The following ILRUN variants were observed in gnomAD, a reference collection of about 807,000 sequenced individuals.
ILRUN encodes the protein protein ILRUN.
In ILRUN, 3 loss-of-function variants were observed where a neutral mutation model predicts 33.8. That is an observed-to-expected ratio of 0.09 (90% CI 0.04 to 0.23). The LOEUF (loss-of-function observed/expected upper bound fraction) is 0.23, where lower values mean the gene tolerates loss of function less well. ILRUN is among the 10% of genes least tolerant of loss of function. The pLI is 1.00. For synonymous variants in ILRUN, 124 were observed against 138.9 expected, an observed-to-expected ratio of 0.89 and a Z score of 0.75; for missense variants, 210 against 375.1, an observed-to-expected ratio of 0.56 and a Z score of 3.64.
At chr6:34,682,494 G>T (rs760511343) in intron 1 of ILRUN, among the ~76,000 whole-genome samples, 1 of 151,232 alleles carries the variant, frequency 6.6e-6, no homozygotes, top group East Asian at 2.0e-4. Flanking sequence ...TCCTGACCTC[G>T]TGATCTGCCC....
chr6:34,662,312 A>C lies in ILRUN; in HGVS notation c.159-7533T>G, dbSNP rs865817045. ...CAGAGCAAGACTCCGTCTCAAAAAA[A>C]AAAAAAAAGAAAAAGAAAAGAAAAA... On this transcript the variant is annotated intron_variant, in intron 1 of 4. Coordinates refer to ENST00000374023, the MANE Select transcript of ILRUN (RefSeq NM_024294.4). Among the ~76,000 whole-genome samples, 12 of 151,384 alleles carry C rather than the reference A, an allele frequency of 7.9e-5. No homozygotes were observed. In the South Asian group the frequency reaches 2.5e-3, roughly 32 times the overall value.
intron 3 of ILRUN, chr6:34,616,391 A>G: frequency 2.2e-6 from 1 of 462,200 alleles, no homozygotes; most frequent in Non-Finnish European, 3.8e-6. Flanking sequence ...CTGCTGAGCT[A>G]TAAGCTACAG....
chr6:34,606,466 G>A (rs571387827), intron 4 of ILRUN, 89 bp downstream of exon 4: 41 of 1,021,654 alleles, frequency 4.0e-5, no homozygotes, highest in South Asian at 3.5e-4. Context: ...TCTGGGGAGC[G>A]GCAGTCTAGG....
intron 4 of ILRUN, among the ~76,000 whole-genome samples, chr6:34,601,076 C>T (rs538342726): frequency 1.3e-5 from 2 of 152,272 alleles, no homozygotes; most frequent in South Asian, 4.1e-4. Flanking sequence ...ATGTCAAGCA[C>T]TGAGCCTATT....
At chr6:34,614,166 T>A (rs1182735962) in intron 3 of ILRUN, among the ~76,000 whole-genome samples, 2 of 152,064 alleles carry the variant, frequency 1.3e-5, no homozygotes, top group African/African-American at 4.8e-5. Flanking sequence ...CTCACGCCTA[T>A]AATCCTTGCA....
chr6:34,605,083 G>C (rs778472982), intron 4 of ILRUN, among the ~76,000 whole-genome samples: 1 of 152,132 alleles, frequency 6.6e-6, no homozygotes, highest in Non-Finnish European at 1.5e-5. Context: ...GAGGCGGGTG[G>C]ATCACCTGAG....
At chr6:34,652,807 T>C (rs761749609) in intron 2 of ILRUN, among the ~76,000 whole-genome samples, 5 of 152,196 alleles carry the variant, frequency 3.3e-5, no homozygotes, top group Non-Finnish European at 7.4e-5. Context: ...ACATAAATTG[T>C]CATTAGATGT....
chr6:34,611,668 C>T lies in ILRUN; in HGVS notation c.512-4764G>A, dbSNP rs374056884. 3.3e-5 allele frequency among the ~76,000 whole-genome samples: 5 copies of T among 152,320 alleles called. No individual in the cohort carries two copies. In the South Asian group the frequency reaches 1.0e-3, roughly 32 times the overall value. On this transcript the variant is annotated intron_variant, in intron 3 of 4. Transcript: ENST00000374023. The stretch of plus-strand genomic sequence containing the variant: ...AATGCCTTGATCACTGAGATAAGAA[C>T]TAGCTGCTAGCCAGATACTTTACCA...
chr6:34,688,695 C>T (rs190272426), intron 1 of ILRUN, among the ~76,000 whole-genome samples: 42 of 152,072 alleles, frequency 2.8e-4, no homozygotes, highest in African/African-American at 9.9e-4. Flanking sequence ...CGCCTGTAAT[C>T]CCAGATACTT....
At chr6:34,635,544 A>G (rs553804507) in intron 3 of ILRUN, among the ~76,000 whole-genome samples, 31 of 120,158 alleles carry the variant, frequency 2.6e-4, no homozygotes, top group African/African-American at 8.1e-4. Flanking sequence ...AAAAAGAAAG[A>G]AAGGAAGGAA....
intron 1 of ILRUN, among the ~76,000 whole-genome samples, chr6:34,657,177 TTGAAAA>T (rs1762787085): frequency 6.6e-6 from 1 of 152,218 alleles, no homozygotes; most frequent in Non-Finnish European, 1.5e-5. Flanking sequence ...GTCTACCGTT[TTGAAAA>T]CAGAATTTTT....
intron 4 of ILRUN, among the ~76,000 whole-genome samples, chr6:34,598,772 T>C (rs533939162): frequency 2.0e-4 from 30 of 152,364 alleles, no homozygotes; most frequent in Middle Eastern, 3.4e-3. Context: ...CTAAGGCCCA[T>C]AGTTATGTTT....
Position 34,683,453 on chromosome 6 carries a change from C to CATATATATATGT in ILRUN, c.158+12992_158+12993insACATATATATAT, listed in dbSNP as rs1451602188. Reference sequence around the variant, plus strand: ...ACATATATATATACATATATATATACATATATATACATATATATACACATA... The same window carrying CATATATATATGT: ...ACATATATATATACATATATATATACATATATATATGTATATATATACATATATATACACATA... On this transcript the variant is annotated intron_variant, in intron 1 of 4. Transcript: ENST00000374023. 1.8e-4 allele frequency among the ~76,000 whole-genome samples: 17 copies of CATATATATATGT among 96,606 alleles called. 1 individual carries two copies. Among genetic ancestry groups the CATATATATATGT allele is most frequent in the African/African-American group, 8.3e-4 (17 of 20,452 alleles). 63.4% of individuals were successfully genotyped at this position (96,606 alleles called of 152,430 possible). A position where few individuals can be genotyped will look rare whatever the true frequency, so the allele number is the denominator to read the frequency against.
chr6:34,588,380 G>A lies in ILRUN; in HGVS notation c.*2185C>T, dbSNP rs1241034365. Reference sequence around the variant, plus strand: ...AACTGGGAAGGGGCACCCAGTGTTGGGCAGAAGAGGAAGTCAGGAAAGCAG... The same window carrying A: ...AACTGGGAAGGGGCACCCAGTGTTGAGCAGAAGAGGAAGTCAGGAAAGCAG... On this transcript the variant is annotated 3_prime_UTR_variant, in exon 5 of 5. Coordinates refer to ENST00000374023, the MANE Select transcript of ILRUN (RefSeq NM_024294.4). The A allele has an allele frequency of 2.5e-6, 1 of 397,270 alleles. No individual in the cohort carries two copies. Among genetic ancestry groups the A allele is most frequent in the African/African-American group, 2.1e-5 (1 of 48,638 alleles). 24.6% of individuals were successfully genotyped at this position (397,270 alleles called of 1,614,324 possible). A position where few individuals can be genotyped will look rare whatever the true frequency, so the allele number is the denominator to read the frequency against.
intron 3 of ILRUN, among the ~76,000 whole-genome samples, chr6:34,640,361 G>C (rs1762445061): frequency 6.6e-6 from 1 of 152,008 alleles, no homozygotes; most frequent in South Asian, 2.1e-4. Context: ...ACTGAATACA[G>C]CAAAAATTCT....
At chr6:34,680,902 T>C (rs1388919900) in intron 1 of ILRUN, among the ~76,000 whole-genome samples, 1 of 151,908 alleles carries the variant, frequency 6.6e-6, no homozygotes, top group African/African-American at 2.4e-5. Flanking sequence ...AGCAGGCAAC[T>C]TGAAGGACAA....
intron 1 of ILRUN, among the ~76,000 whole-genome samples, chr6:34,674,095 T>C (rs1201598197): frequency 6.6e-6 from 1 of 152,186 alleles, no homozygotes; most frequent in Non-Finnish European, 1.5e-5. Context: ...TGGTGCGATC[T>C]TGACTCACTG....
chr6:34,590,319 C>A lies in ILRUN; in HGVS notation c.*246G>T. The A allele has an allele frequency of 2.8e-6, 1 of 360,398 alleles. No individual in the cohort carries two copies. The highest frequency in any genetic ancestry group is 5.0e-6 in the Non-Finnish European group (1 of 198,730). 22.3% of individuals were successfully genotyped at this position (360,398 alleles called of 1,614,324 possible). On this transcript the variant is annotated 3_prime_UTR_variant, in exon 5 of 5. Transcript: ENST00000374023. Reference sequence around the variant, plus strand: ...GTTAGACTGATGCCTATAACAAAACCCAAAGTGGCTGCATGGATTTCTTCT... The same window carrying A: ...GTTAGACTGATGCCTATAACAAAACACAAAGTGGCTGCATGGATTTCTTCT...
At chr6:34,680,792 G>A (rs1011813321) in intron 1 of ILRUN, among the ~76,000 whole-genome samples, 4 of 149,702 alleles carry the variant, frequency 2.7e-5, no homozygotes, top group African/African-American at 9.9e-5. Context: ...GCCAACATTC[G>A]GATCCTAACA....
Sources: gnomAD v4.1 joint callset for allele counts (sites outside exome capture counted in the v4.1 genomes callset) on GRCh38, gnomAD v4.1.1 for gene constraint, MANE v1.5 for transcripts, NCBI Gene and HGNC (gene_info 2026-07-23, HGNC 2026-07-21) for gene names.